The following SRGAP2B variants were observed in gnomAD, a reference collection of about 807,000 sequenced individuals.
The protein encoded by SRGAP2B is SLIT-ROBO Rho GTPase-activating protein 2B.
SRGAP2B carries 9 observed loss-of-function variants against 22.2 expected under a neutral mutation model. The ratio of observed to expected loss-of-function variants is 0.41; its 90% CI spans 0.24 to 0.71. The LOEUF is 0.71. Ranked by LOEUF, SRGAP2B falls within the 30% of genes least tolerant of loss-of-function variation. SRGAP2B has a pLI of 0.35. For missense variants in SRGAP2B, 114 were observed against 235.8 expected (o/e 0.48, Z 3.38); for synonymous variants, 36 against 87.4 (o/e 0.41, Z 3.28).
intron 3 of SRGAP2B, among the ~76,000 whole-genome samples, chr1:144,981,045 C>T (rs1429369629): frequency 1.1e-4 from 16 of 149,078 alleles, no homozygotes; most frequent in Non-Finnish European, 1.9e-4. Context: ...TGCCCGATTT[C>T]CCCCATTTCA....
intron 3 of SRGAP2B, among the ~76,000 whole-genome samples, chr1:144,993,911 T>C (rs1187735121): frequency 6.6e-6 from 1 of 150,858 alleles, no homozygotes; most frequent in East Asian, 1.9e-4. Flanking sequence ...GGGGCCAGGA[T>C]GGCTTTGAAT....
intron 5 of SRGAP2B, among the ~76,000 whole-genome samples, chr1:144,907,571 C>T (rs1405414398): frequency 4.0e-5 from 6 of 150,112 alleles, no homozygotes; most frequent in Non-Finnish European, 1.5e-5. Context: ...AGTGTCTCAA[C>T]CTGGGGCTAT....
At position 144,966,492 on chromosome 1, in the gene SRGAP2B, T is replaced by C. The variant is rs181760893; in HGVS notation, c.261-10891A>G. 3.7e-3 allele frequency among the ~76,000 whole-genome samples: 524 copies of C among 140,224 alleles called. 6 individuals carry two copies. The highest frequency in any genetic ancestry group is 0.015 in the African/African-American group (469 of 30,722). 92.0% of individuals were successfully genotyped at this position (140,224 alleles called of 152,430 possible). The stretch of plus-strand genomic sequence containing the variant: ...GCCCTAAAAGAGCTCCTGAAGGAAG[T>C]GCTAAACGTGGAAAGGAACAACCAG... On this transcript the variant is annotated intron_variant, in intron 3 of 9. Coordinates refer to ENST00000612199, the Ensembl canonical transcript of SRGAP2B.
intron 2 of SRGAP2B, among the ~76,000 whole-genome samples, chr1:145,036,018 A>G (rs1420178463): frequency 7.2e-6 from 1 of 139,150 alleles, no homozygotes; most frequent in Non-Finnish European, 1.5e-5. Flanking sequence ...CCAAAGTAAT[A>G]CATGCGAACA....
At position 145,063,075 on chromosome 1, in the gene SRGAP2B, C is replaced by T. The variant is rs1651093163; in HGVS notation, c.67+29760G>A. ...TTAAATTGATTCTTACAGAATGGTA[C>T]CCAAATGTGTGATTTCAAAGGCAGA... On this transcript the variant is annotated intron_variant, in intron 2 of 9. Transcript: ENST00000612199. 5.4e-5 allele frequency among the ~76,000 whole-genome samples: 8 copies of T among 148,686 alleles called. No individual in the cohort carries two copies. The South Asian group carries it at 1.5e-3, about 28-fold the overall frequency.
chr1:144,984,742 T>A (rs1457599147), intron 3 of SRGAP2B, among the ~76,000 whole-genome samples: 1 of 150,448 alleles, frequency 6.6e-6, no homozygotes, highest in Non-Finnish European at 1.5e-5. Flanking sequence ...ATGTTTCTTG[T>A]CATTTAGCAA....
intron 4 of SRGAP2B, among the ~76,000 whole-genome samples, chr1:144,915,791 T>C (rs1553603804): frequency 6.6e-6 from 1 of 150,830 alleles, no homozygotes; most frequent in Non-Finnish European, 1.5e-5. Context: ...TCACACCTTC[T>C]ATACTAAGTG....
At chr1:144,944,560 C>T (rs1240397300) in intron 4 of SRGAP2B, among the ~76,000 whole-genome samples, 2 of 113,826 alleles carry the variant, frequency 1.8e-5, no homozygotes, top group Non-Finnish European at 1.6e-5. Context: ...GTACTCCAAC[C>T]TGGGTGACAA....
chr1:145,069,146 AAAG>A (rs1175661495), intron 2 of SRGAP2B, among the ~76,000 whole-genome samples: 1 of 147,514 alleles, frequency 6.8e-6, no homozygotes, highest in African/African-American at 2.6e-5. Context: ...AGAAATCCTG[AAAG>A]AAGAAAAGAC....
chr1:144,986,870 G>A (rs1553616068), intron 3 of SRGAP2B, among the ~76,000 whole-genome samples: 1 of 150,818 alleles, frequency 6.6e-6, no homozygotes, highest in East Asian at 1.9e-4. Context: ...TATAATTACT[G>A]TTCTTCAGCA....
chr1:144,907,562 G>A (rs1570717352), intron 5 of SRGAP2B, among the ~76,000 whole-genome samples: 1 of 150,214 alleles, frequency 6.7e-6, no homozygotes, highest in Non-Finnish European at 1.5e-5. Flanking sequence ...AGTTAGAGAA[G>A]TGTCTCAACC....
At position 144,991,339 on chromosome 1, in the gene SRGAP2B, C is replaced by T. The variant is rs1200973346; in HGVS notation, c.260+3669G>A. 1.0e-3 allele frequency among the ~76,000 whole-genome samples: 155 copies of T among 150,466 alleles called. 1 individual carries two copies. The highest frequency in any genetic ancestry group is 1.6e-3 in the Admixed American group (24 of 15,166). ...AGGTTTGTAAACACACCAATCAGCA[C>T]CCTGTGTTTAGCTCAAGGTTTGTAA... On this transcript the variant is annotated intron_variant, in intron 3 of 9. Transcript: ENST00000612199.
At chr1:144,939,443 A>G (rs1665865627) in intron 4 of SRGAP2B, among the ~76,000 whole-genome samples, 1 of 148,988 alleles carries the variant, frequency 6.7e-6, no homozygotes, top group Non-Finnish European at 1.5e-5. Context: ...TATAGACAAC[A>G]AATTGTCTGT....
chr1:144,985,656 A>C (rs1669657291), intron 3 of SRGAP2B, among the ~76,000 whole-genome samples: 2 of 150,392 alleles, frequency 1.3e-5, no homozygotes, highest in African/African-American at 5.0e-5. Flanking sequence ...ATGCAAGAAC[A>C]TCTTCCCTAG....
intron 3 of SRGAP2B, among the ~76,000 whole-genome samples, chr1:144,990,777 G>A (rs1351836277): frequency 1.3e-5 from 2 of 151,302 alleles, no homozygotes; most frequent in African/African-American, 4.9e-5. Flanking sequence ...CGGGCAATGG[G>A]GGACTTAGCA....
intron 4 of SRGAP2B, among the ~76,000 whole-genome samples, chr1:144,944,587 A>C (rs1241015878): frequency 1.1e-5 from 1 of 91,234 alleles, no homozygotes; most frequent in Non-Finnish European, 2.3e-5. Flanking sequence ...TCTCCATCTC[A>C]AAAAAAAAAA....
At chr1:144,968,695 G>A (rs1668263650) in intron 3 of SRGAP2B, among the ~76,000 whole-genome samples, 1 of 112,870 alleles carries the variant, frequency 8.9e-6, no homozygotes, top group Non-Finnish European at 1.7e-5. Flanking sequence ...AAAAGAGGAA[G>A]TCAAATTGTC....
At position 144,923,065 on chromosome 1, in the gene SRGAP2B, TGGGAGTTCAG is replaced by T. The variant is rs1286927112; in HGVS notation, c.424-8321_424-8312del. On this transcript the variant is annotated intron_variant, in intron 4 of 9. Coordinates refer to ENST00000612199, the Ensembl canonical transcript of SRGAP2B. The stretch of plus-strand genomic sequence containing the variant: ...GGGACAGGCATACTCGGGACAAGGG[TGGGAGTTCAG>T]GGGAGTTCAGGGTGGGGTCAGGAAG... Among the ~76,000 whole-genome samples the T allele has an allele frequency of 1.7e-3, 256 of 150,514 alleles. 8 individuals carry two copies. Among genetic ancestry groups the T allele is most frequent in the African/African-American group, 6.1e-3 (246 of 40,228 alleles).
chr1:144,943,613 A>AG (rs1217237629), intron 4 of SRGAP2B, among the ~76,000 whole-genome samples: 3 of 112,826 alleles, frequency 2.7e-5, no homozygotes, highest in African/African-American at 3.6e-5. Flanking sequence ...GGGAGAAGGA[A>AG]GGGGGGGAGG....
Sources: allele counts gnomAD v4.1 joint callset (sites outside exome capture counted in the v4.1 genomes callset), GRCh38; gene constraint gnomAD v4.1.1; transcripts MANE v1.5; gene names NCBI Gene and HGNC (gene_info 2026-07-23, HGNC 2026-07-21).